SV2C: variants seen among roughly 807,000 people sequenced by gnomAD.
The protein encoded by SV2C is synaptic vesicle glycoprotein 2C, also known as solute carrier family 22 member B3.
SV2C carries 49 observed loss-of-function variants against 79.7 expected under a neutral mutation model. The observed-to-expected ratio is 0.61, with a 90% CI of 0.49 to 0.78. The LOEUF is 0.78. Ranked by LOEUF, SV2C falls within the 30% of genes least tolerant of loss-of-function variation. The pLI is 0.00. For synonymous variants in SV2C, 334 were observed against 333.2 expected, an observed-to-expected ratio of 1.00 and a Z score of -0.03; for missense variants, 833 against 912.9, an observed-to-expected ratio of 0.91 and a Z score of 1.13.
the SV2C span, among the ~76,000 whole-genome samples, chr5:75,882,522 A>G: frequency 0.012 from 1,774 of 152,202 alleles, 30 homozygotes; most frequent in African/African-American, 0.04. Flanking sequence ...ACAGTAACCA[A>G]AACAGCATGG....
intron 2 of SV2C, among the ~76,000 whole-genome samples, chr5:76,165,618 CT>C (rs70979377): frequency 6.6e-6 from 1 of 151,290 alleles, no homozygotes; most frequent in Admixed American, 6.6e-5. Context: ...TTGAGATTGG[CT>C]TTTTTTTTCT....
downstream of SV2C, among the ~76,000 whole-genome samples, chr5:76,336,788 A>G (rs1413240499): frequency 6.6e-6 from 1 of 152,206 alleles, no homozygotes; most frequent in Non-Finnish European, 1.5e-5. Context: ...CTGCTTCATG[A>G]TCAGGCTGTT....
intron 4 of SV2C, among the ~76,000 whole-genome samples, chr5:76,269,098 T>C (rs939846039): frequency 6.6e-6 from 1 of 152,230 alleles, no homozygotes; most frequent in Non-Finnish European, 1.5e-5. Flanking sequence ...CTAGGCACTG[T>C]TGACATTTTA....
At chr5:76,316,050 A>C (rs1048906587) in intron 12 of SV2C, among the ~76,000 whole-genome samples, 7 of 152,252 alleles carry the variant, frequency 4.6e-5, no homozygotes, top group African/African-American at 1.4e-4. Context: ...GGTTACAAGA[A>C]TAATGGTTCC....
At chr5:76,341,871 G>C (rs1006487586) in intron 12 of SV2C, among the ~76,000 whole-genome samples, 1 of 152,266 alleles carries the variant, frequency 6.6e-6, no homozygotes, top group African/African-American at 2.4e-5. Flanking sequence ...TGGTGGGGAG[G>C]GGGTGGAACC....
At chr5:75,991,545 A>G in the SV2C span, among the ~76,000 whole-genome samples, 5 of 148,294 alleles carry the variant, frequency 3.4e-5, no homozygotes, top group African/African-American at 1.2e-4. Context: ...ACCTTGTATG[A>G]TTCCAGCAGT....
chr5:76,208,071 C>A (rs1744662286), intron 3 of SV2C, among the ~76,000 whole-genome samples: 1 of 152,084 alleles, frequency 6.6e-6, no homozygotes. Context: ...TGAGTCACAC[C>A]TCTAAGAATT....
chr5:76,174,455 A>T (rs1743459593), intron 2 of SV2C, among the ~76,000 whole-genome samples: 1 of 152,218 alleles, frequency 6.6e-6, no homozygotes, highest in South Asian at 2.1e-4. Context: ...ACTTGTTCCC[A>T]TCAGGCCTGC....
chr5:75,891,959 C>A, the SV2C span, among the ~76,000 whole-genome samples: 1 of 152,046 alleles, frequency 6.6e-6, no homozygotes, highest in East Asian at 1.9e-4. Flanking sequence ...GCCAGATAAA[C>A]CCTGACCTCC....
At chr5:76,201,926 G>A (rs1360837595) in intron 3 of SV2C, among the ~76,000 whole-genome samples, 2 of 149,446 alleles carry the variant, frequency 1.3e-5, no homozygotes, top group Admixed American at 6.8e-5. Flanking sequence ...GCTGAGGCAG[G>A]AGAATGGCGA....
intron 6 of SV2C, among the ~76,000 whole-genome samples, chr5:76,287,280 A>C (rs1289207648): frequency 6.6e-6 from 1 of 152,230 alleles, no homozygotes; most frequent in African/African-American, 2.4e-5. Flanking sequence ...GAATTTGGTA[A>C]AGGAAAGTAG....
At chr5:76,125,144 CTTAAAA>C (rs1441960108) in intron 1 of SV2C, among the ~76,000 whole-genome samples, 6 of 152,224 alleles carry the variant, frequency 3.9e-5, no homozygotes, top group Non-Finnish European at 5.9e-5. Context: ...CGTTAATATA[CTTAAAA>C]TTAAAATTTC....
At chr5:75,975,118 GACATAGT>G in the SV2C span, among the ~76,000 whole-genome samples, 1 of 152,148 alleles carries the variant, frequency 6.6e-6, no homozygotes, top group Non-Finnish European at 1.5e-5. Context: ...ATCTGACCTT[GACATAGT>G]ACCACTGAAG....
In SV2C at chr5:76,241,713, C is replaced by T. The variant is rs193027416; in HGVS notation, c.913+31826C>T. Among the ~76,000 whole-genome samples, 1,066 of 152,096 alleles carry T rather than the reference C, an allele frequency of 7.0e-3. 20 individuals are homozygous for T. Among genetic ancestry groups the T allele is most frequent in the African/African-American group, 0.025 (1,040 of 41,388 alleles). ...AAATTTGTTTTTCTATACCACAAGG[C>T]TTTTGTGCCAAGGTGGCCATGTGTG... On this transcript the variant is annotated intron_variant, in intron 4 of 12. Transcript: ENST00000502798.
At chr5:76,138,707 C>T (rs778630106) in intron 2 of SV2C, among the ~76,000 whole-genome samples, 8 of 152,150 alleles carry the variant, frequency 5.3e-5, no homozygotes, top group African/African-American at 9.7e-5. Flanking sequence ...CTGCCCAGAT[C>T]AGTGTGTGGT....
At chr5:75,920,887 T>A in the SV2C span, 1 of 756,374 alleles carries the variant, frequency 1.3e-6, no homozygotes. Context: ...TCAGCGAAGG[T>A]CAGGGTCAGC....
At chr5:76,142,109 T>C (rs1749274252) in intron 2 of SV2C, among the ~76,000 whole-genome samples, 1 of 152,184 alleles carries the variant, frequency 6.6e-6, no homozygotes, top group South Asian at 2.1e-4. Context: ...AACGAATTAG[T>C]CTGATAAATT....
chr5:75,887,601 A>G, the SV2C span, among the ~76,000 whole-genome samples: 1 of 152,154 alleles, frequency 6.6e-6, no homozygotes, highest in Non-Finnish European at 1.5e-5. Context: ...TAAGGCTTCC[A>G]GTAGACTTGC....
intron 2 of SV2C, among the ~76,000 whole-genome samples, chr5:76,175,835 A>G (rs541752535): frequency 2.2e-4 from 33 of 152,280 alleles, no homozygotes; most frequent in South Asian, 4.2e-4. Context: ...CGAGAGGTGG[A>G]TTGCAATCAG....
Sources: allele counts gnomAD v4.1 joint callset (sites outside exome capture counted in the v4.1 genomes callset), GRCh38; gene constraint gnomAD v4.1.1; transcripts MANE v1.5; gene names NCBI Gene and HGNC (gene_info 2026-07-23, HGNC 2026-07-21).